TAFA1: variants seen among roughly 807,000 people sequenced by gnomAD.
The protein encoded by TAFA1 is TAFA chemokine like family member 1.
TAFA1 carries 4 observed loss-of-function variants against 18.5 expected under a neutral mutation model. The ratio of observed to expected loss-of-function variants is 0.22; its 90% CI spans 0.11 to 0.49. The LOEUF is 0.49. TAFA1 is among the 20% of genes least tolerant of loss of function. The pLI, the probability that TAFA1 is intolerant of heterozygous loss-of-function variation, is 0.98. For missense variants in TAFA1, 147 were observed against 169.0 expected, an observed-to-expected ratio of 0.87 and a Z score of 0.72; for synonymous variants, 56 against 55.2, an observed-to-expected ratio of 1.01 and a Z score of -0.06.
intron 2 of TAFA1, among the ~76,000 whole-genome samples, chr3:68,166,514 G>T (rs768687781): frequency 1.3e-5 from 2 of 152,126 alleles, no homozygotes; most frequent in African/African-American, 4.8e-5. Context: ...GAAAGGTAAA[G>T]CTACCTCTGC....
chr3:68,058,924 G>C (rs1430836872), intron 2 of TAFA1, among the ~76,000 whole-genome samples: 1 of 152,148 alleles, frequency 6.6e-6, no homozygotes, highest in Non-Finnish European at 1.5e-5. Context: ...GAGGTTTCAG[G>C]ATCAGAAGCC....
At chr3:68,183,048 A>G (rs957751179) in intron 2 of TAFA1, among the ~76,000 whole-genome samples, 33 of 152,192 alleles carry the variant, frequency 2.2e-4, no homozygotes, top group Non-Finnish European at 3.7e-4. Flanking sequence ...AAATTCTTGC[A>G]CTACTCAATA....
chr3:68,432,326 G>C (rs1348350056), intron 3 of TAFA1, among the ~76,000 whole-genome samples: 1 of 151,936 alleles, frequency 6.6e-6, no homozygotes, highest in African/African-American at 2.4e-5. Context: ...TGGAAGAGTT[G>C]AAGGGAATAT....
chr3:68,487,751 CAAAAA>C (rs35345325), intron 3 of TAFA1, among the ~76,000 whole-genome samples: 1 of 66,870 alleles, frequency 1.5e-5, no homozygotes. Flanking sequence ...AACTCTGTCT[CAAAAA>C]AAAAAAAAAA....
At chr3:68,412,916 G>C (rs925965392) in intron 2 of TAFA1, among the ~76,000 whole-genome samples, 3 of 151,588 alleles carry the variant, frequency 2.0e-5, no homozygotes, top group African/African-American at 7.3e-5. Context: ...TGGGTCAAAT[G>C]GTATTTCTAG....
intron 3 of TAFA1, among the ~76,000 whole-genome samples, chr3:68,490,921 C>A (rs1013876396): frequency 2.0e-5 from 3 of 151,610 alleles, no homozygotes; most frequent in Admixed American, 6.6e-5. Flanking sequence ...ATCACTACAG[C>A]CGGACCTCCC....
At chr3:68,102,264 T>C (rs1044574107) in intron 2 of TAFA1, among the ~76,000 whole-genome samples, 3 of 152,168 alleles carry the variant, frequency 2.0e-5, no homozygotes, top group South Asian at 2.1e-4. Context: ...TTAACTCTCC[T>C]ACTATGAAAG....
intron 2 of TAFA1, among the ~76,000 whole-genome samples, chr3:68,392,641 C>T (rs1246707312): frequency 1.3e-5 from 2 of 151,910 alleles, no homozygotes; most frequent in African/African-American, 4.8e-5. Context: ...TGCAAAAAAA[C>T]GGAAATCAGA....
intron 2 of TAFA1, among the ~76,000 whole-genome samples, chr3:68,080,624 G>T (rs888822180): frequency 6.6e-6 from 1 of 152,130 alleles, no homozygotes; most frequent in East Asian, 1.9e-4. Flanking sequence ...TTTTCTTTAA[G>T]AATGTTGAAT....
intron 2 of TAFA1, among the ~76,000 whole-genome samples, chr3:68,214,890 G>A (rs191657274): frequency 2.8e-4 from 42 of 152,072 alleles, no homozygotes; most frequent in African/African-American, 1.0e-3. Flanking sequence ...ACCCCACTGA[G>A]TGAGTGGGGA....
intron 2 of TAFA1, among the ~76,000 whole-genome samples, chr3:68,069,796 G>A (rs762583702): frequency 6.6e-6 from 1 of 152,236 alleles, no homozygotes; most frequent in Non-Finnish European, 1.5e-5. Flanking sequence ...CAGGCCCCAT[G>A]TAAGTCCAAA....
chr3:68,089,810 G>C (rs1202004919), intron 2 of TAFA1, among the ~76,000 whole-genome samples: 3 of 152,128 alleles, frequency 2.0e-5, no homozygotes, highest in Non-Finnish European at 4.4e-5. Context: ...TCTGGGCTAG[G>C]TCTTGTTAGG....
chr3:68,404,959 C>T (rs762399906), intron 2 of TAFA1, among the ~76,000 whole-genome samples: 2 of 152,282 alleles, frequency 1.3e-5, no homozygotes, highest in Admixed American at 6.5e-5. Flanking sequence ...TTTTCATCTT[C>T]ACTTCTAAGC....
At chr3:68,174,667 T>G (rs1215162302) in intron 2 of TAFA1, among the ~76,000 whole-genome samples, 1 of 152,128 alleles carries the variant, frequency 6.6e-6, no homozygotes, top group Admixed American at 6.6e-5. Context: ...GACTTGGGTG[T>G]TGTTAAAGGC....
intron 2 of TAFA1, among the ~76,000 whole-genome samples, chr3:68,111,199 T>A (rs570064751): frequency 1.2e-4 from 18 of 152,214 alleles, no homozygotes; most frequent in Non-Finnish European, 2.5e-4. Context: ...ATGCTGCTAT[T>A]TCCTAGACCA....
intron 2 of TAFA1, among the ~76,000 whole-genome samples, chr3:68,329,791 A>T (rs72930457): frequency 0.01 from 1,531 of 152,314 alleles, 25 homozygotes; most frequent in African/African-American, 0.035. Context: ...CTGACCTATC[A>T]TGTTTATGAA....
intron 3 of TAFA1, among the ~76,000 whole-genome samples, chr3:68,455,626 G>T (rs568289793): frequency 6.6e-6 from 1 of 152,066 alleles, no homozygotes; most frequent in African/African-American, 2.4e-5. Context: ...GTTTCTTCAA[G>T]ATCCGTATCC....
chr3:68,383,129 A>G (rs1311074163), intron 2 of TAFA1, among the ~76,000 whole-genome samples: 1 of 152,166 alleles, frequency 6.6e-6, no homozygotes, highest in African/African-American at 2.4e-5. Context: ...TTCTAGATAT[A>G]GGATCATGTC....
chr3:68,203,439 T>C (rs1266976931), intron 2 of TAFA1, among the ~76,000 whole-genome samples: 1 of 151,764 alleles, frequency 6.6e-6, no homozygotes, highest in Admixed American at 6.6e-5. Flanking sequence ...TTTCAAACTA[T>C]GTGTTTTGTC....
Sources: allele counts gnomAD v4.1 joint callset (sites outside exome capture counted in the v4.1 genomes callset), GRCh38; gene constraint gnomAD v4.1.1; transcripts MANE v1.5; gene names NCBI Gene and HGNC (gene_info 2026-07-23, HGNC 2026-07-21).